Variants in LAMA1 observed in about 807,000 individuals in gnomAD.
LAMA1 encodes the protein laminin subunit alpha-1.
In LAMA1, 219 loss-of-function variants were observed where a neutral mutation model predicts 348.7. That is an observed-to-expected ratio of 0.63 (90% CI 0.56 to 0.70). LAMA1 has a LOEUF of 0.70. Ranked by LOEUF, LAMA1 falls within the 30% of genes least tolerant of loss-of-function variation. The pLI is 0.00. For synonymous variants in LAMA1, 1,487 were observed against 1,491.0 expected (o/e 1.00, Z 0.06); for missense variants, 3,744 against 3,888.0 (o/e 0.96, Z 0.99).
intron 19 of LAMA1, 119 bp downstream of exon 19, chr18:7,023,045 G>A (rs1026482236): frequency 6.3e-5 from 66 of 1,051,124 alleles, no homozygotes; most frequent in Non-Finnish European, 8.4e-5. Flanking sequence ...ATTAATGCAA[G>A]TAACCCCTCA....
intron 6 of LAMA1, among the ~76,000 whole-genome samples, chr18:7,045,421 G>T (rs2058037869): frequency 6.6e-6 from 1 of 152,042 alleles, no homozygotes; most frequent in African/African-American, 2.4e-5. Context: ...AGTGAGCCGA[G>T]ATTGCACCAC....
chr18:7,078,077 A>C (rs2058176985), intron 3 of LAMA1, among the ~76,000 whole-genome samples: 2 of 150,630 alleles, frequency 1.3e-5, no homozygotes, highest in Non-Finnish European at 3.0e-5. Flanking sequence ...AAAAAAAAAA[A>C]AAACAAAAAA....
chr18:7,021,820 TATTATATAATATA>T (rs1568034613), intron 19 of LAMA1, among the ~76,000 whole-genome samples: 1,238 of 103,154 alleles, frequency 0.012, 22 homozygotes, highest in African/African-American at 0.064. Flanking sequence ...ATATAATATA[TATTATATAATATA>T]ATAATATATT....
In LAMA1 at chr18:6,985,532, G is replaced by A; in HGVS notation, c.5491C>T (p.Leu1831=). The A allele has an allele frequency of 1.2e-6, 2 of 1,613,682 alleles. No individual in the cohort carries two copies. The highest frequency in any genetic ancestry group is 1.7e-6 in the Non-Finnish European group (2 of 1,179,614). Residue 1831 remains leucine, a synonymous_variant, in exon 38 of 63, where the codon CTA becomes TTA. Coordinates refer to ENST00000389658, the MANE Select transcript of LAMA1 (RefSeq NM_005559.4). The part of the protein sequence containing the change: ...AAQTDAVQDA[L]EHLEDHQDKL... ...TGTGCTGAGATGTAATTTACCTCTA[G>A]AGCATCTTGTACAGCATCTGTTTGT... is the stretch of plus-strand genomic sequence containing the variant.
At chr18:7,028,844 G>A (rs1191256068) in intron 16 of LAMA1, among the ~76,000 whole-genome samples, 1 of 152,196 alleles carries the variant, frequency 6.6e-6, no homozygotes, top group East Asian at 1.9e-4. Flanking sequence ...GGGCAGCTAC[G>A]GGCTCGAAGG....
chr18:7,107,209 G>C (rs924959631), intron 1 of LAMA1, among the ~76,000 whole-genome samples: 2 of 147,796 alleles, frequency 1.4e-5, no homozygotes, highest in African/African-American at 5.0e-5. Flanking sequence ...AGCTCCGCCT[G>C]CCGGGTTCAC....
chr18:6,945,846 G>C (rs1448102215), intron 61 of LAMA1, among the ~76,000 whole-genome samples: 2 of 152,144 alleles, frequency 1.3e-5, no homozygotes, highest in Non-Finnish European at 2.9e-5. Context: ...CTGCCCTGAA[G>C]ACCACGATAT....
chr18:7,041,556 A>G (rs2058020806), intron 9 of LAMA1, among the ~76,000 whole-genome samples: 1 of 152,204 alleles, frequency 6.6e-6, no homozygotes. Flanking sequence ...AACAGACGCA[A>G]CCTATTCAGG....
intron 27 of LAMA1, 78 bp downstream of exon 27, chr18:7,009,161 G>A: frequency 6.7e-7 from 1 of 1,483,326 alleles, no homozygotes; most frequent in Non-Finnish European, 9.4e-7. Flanking sequence ...GTAGGTAATG[G>A]AAGTGAAGTG....
At chr18:7,101,738 G>C (rs1036952564) in intron 1 of LAMA1, among the ~76,000 whole-genome samples, 1 of 152,168 alleles carries the variant, frequency 6.6e-6, no homozygotes, top group Non-Finnish European at 1.5e-5. Flanking sequence ...TGCAATCATA[G>C]TTTACTGCAG....
intron 33 of LAMA1, 104 bp from the exon 34 acceptor site, chr18:6,995,550 TTC>T (rs1416397751): frequency 1.4e-6 from 1 of 739,310 alleles, no homozygotes; most frequent in Non-Finnish European, 2.4e-6. Context: ...AAAGAAATTC[TTC>T]TTTCCTTGGA....
chr18:7,060,058 A>G (rs1050150579), intron 3 of LAMA1, among the ~76,000 whole-genome samples: 4 of 152,218 alleles, frequency 2.6e-5, no homozygotes, highest in African/African-American at 9.6e-5. Context: ...CCAGTTTTAT[A>G]GCGTGTCAAT....
In LAMA1 at chr18:7,012,052, G is replaced by T. The variant is rs769949964; in HGVS notation, c.3450C>A (p.Cys1150Ter). 1 of 1,612,094 alleles carries T rather than the reference G, an allele frequency of 6.2e-7. No homozygotes were observed. The highest frequency in any genetic ancestry group is 8.5e-7 in the Non-Finnish European group (1 of 1,178,998). ...RADNPLGCSP[C>*]FCSGLSHLCS... ...AGAGGTGGGACAGCCCGGAGCAGAA[G>T]CACGGGCTGCAGCCCAGGGGGTTGT... The change falls in exon 24 of 63, where the codon TGC becomes TGA. Residue 1150 changes from cysteine (C) to a stop codon, truncating the protein, a stop_gained. Coordinates refer to ENST00000389658, the MANE Select transcript of LAMA1 (RefSeq NM_005559.4). LOFTEE classifies it high-confidence loss of function.
At chr18:7,094,627 C>T (rs930976003) in intron 1 of LAMA1, among the ~76,000 whole-genome samples, 4 of 152,116 alleles carry the variant, frequency 2.6e-5, no homozygotes, top group Admixed American at 2.0e-4. Context: ...GTCTTGGAGA[C>T]CTTTAGCAAC....
chr18:6,958,895 C>T (rs1165138850), intron 54 of LAMA1, among the ~76,000 whole-genome samples: 2 of 151,662 alleles, frequency 1.3e-5, no homozygotes, highest in Admixed American at 6.6e-5. Flanking sequence ...AATGAGATTG[C>T]TTTTTGGAGA....
chr18:7,023,361 T>C lies in LAMA1; in HGVS notation c.2504A>G (p.Tyr835Cys), dbSNP rs758137318. 1 of 1,614,056 alleles carries C rather than the reference T, an allele frequency of 6.2e-7. No individual in the cohort carries two copies. The highest frequency in any genetic ancestry group is 8.5e-7 in the Non-Finnish European group (1 of 1,179,942). Residue 835 changes from tyrosine to cysteine, a missense_variant, in exon 19 of 63, where the codon TAC becomes TGC. This residue lies in a region of LAMA1 where 1,529 missense variants were observed against 1,689.4 expected (regional missense o/e 0.91). Transcript: ENST00000389658. ...GAWCERCADG[Y>C]YGNPTVPGES... ...GCCAGGCACTGTTGGGTTTCCATAGTAACCATCTGCACATCTGTATCAAAG... is the reference window on the plus strand; with the variant it reads ...GCCAGGCACTGTTGGGTTTCCATAGCAACCATCTGCACATCTGTATCAAAG...
At chr18:7,046,216 A>T in intron 6 of LAMA1, 62 bp downstream of exon 6, 1 of 1,078,672 alleles carries the variant, frequency 9.3e-7, no homozygotes, top group Non-Finnish European at 1.4e-6. Flanking sequence ...AGAGTAATGC[A>T]AATATTATAG....
intron 57 of LAMA1, among the ~76,000 whole-genome samples, chr18:6,951,420 A>T (rs2057546189): frequency 6.6e-6 from 1 of 152,224 alleles, no homozygotes; most frequent in Non-Finnish European, 1.5e-5. Flanking sequence ...TGGGGGAACC[A>T]GAGTTACTGC....
intron 53 of LAMA1, chr18:6,960,196 G>A: frequency 6.4e-6 from 1 of 155,178 alleles, no homozygotes; most frequent in Admixed American, 6.3e-5. Flanking sequence ...CTGAAGACAG[G>A]GACTCAAACA....
Sources: allele counts gnomAD v4.1 joint callset (sites outside exome capture counted in the v4.1 genomes callset), GRCh38; gene constraint gnomAD v4.1.1; regional missense constraint gnomAD v4.1.1; transcripts MANE v1.5; gene names NCBI Gene and HGNC (gene_info 2026-07-23, HGNC 2026-07-21).